CPNE8: variants seen among roughly 807,000 people sequenced by gnomAD.
CPNE8 encodes the protein copine 8, also known as copine-8.
In CPNE8, 45 loss-of-function variants were observed where a neutral mutation model predicts 81.5. The ratio of observed to expected loss-of-function variants is 0.55; its 90% CI spans 0.44 to 0.71. The LOEUF (loss-of-function observed/expected upper bound fraction) is 0.71. Among genes scored for constraint, CPNE8 ranks in the 30% least tolerant of loss-of-function variants. The pLI is 0.00. For synonymous variants in CPNE8, 252 were observed against 226.3 expected, an observed-to-expected ratio of 1.11 and a Z score of -1.02; for missense variants, 594 against 672.1, an observed-to-expected ratio of 0.88 and a Z score of 1.28.
chr12:38,843,558 G>T (rs569960731), intron 4 of CPNE8, among the ~76,000 whole-genome samples: 1 of 152,154 alleles, frequency 6.6e-6, no homozygotes, highest in East Asian at 1.9e-4. Flanking sequence ...GCAGCATCTG[G>T]TTCATCAGTA....
intron 1 of CPNE8, among the ~76,000 whole-genome samples, chr12:38,891,200 C>G (rs990884636): frequency 1.3e-4 from 19 of 151,698 alleles, no homozygotes; most frequent in Admixed American, 1.2e-3. Context: ...CAAAGTGCTG[C>G]GATTATAGGC....
intron 8 of CPNE8, among the ~76,000 whole-genome samples, chr12:38,767,054 AAATACT>A (rs981479086): frequency 6.6e-6 from 1 of 152,082 alleles, no homozygotes; most frequent in African/African-American, 2.4e-5. Flanking sequence ...ACATTCTCAC[AAATACT>A]AATAGTACAA....
chr12:38,732,033 C>T (rs188501410), intron 10 of CPNE8, among the ~76,000 whole-genome samples: 38 of 151,778 alleles, frequency 2.5e-4, no homozygotes, highest in African/African-American at 8.9e-4. Flanking sequence ...TCAAACACAA[C>T]GCTTTGATAT....
intron 3 of CPNE8, among the ~76,000 whole-genome samples, chr12:38,856,892 T>C (rs901094702): frequency 6.6e-6 from 1 of 152,110 alleles, no homozygotes; most frequent in Non-Finnish European, 1.5e-5. Context: ...TTTAAAACTT[T>C]AGATGCTTCA....
intron 19 of CPNE8, among the ~76,000 whole-genome samples, chr12:38,670,411 T>C (rs1171083463): frequency 1.3e-5 from 2 of 152,130 alleles, no homozygotes; most frequent in Non-Finnish European, 2.9e-5. Context: ...TTTACTTAAG[T>C]ATTTTTCTTA....
intron 6 of CPNE8, among the ~76,000 whole-genome samples, chr12:38,797,775 A>C (rs1390762791): frequency 6.6e-6 from 1 of 152,156 alleles, no homozygotes; most frequent in Admixed American, 6.5e-5. Flanking sequence ...AGTTTGAACC[A>C]ATGGCAAAGA....
At chr12:38,901,397 A>T (rs1944460235) in intron 1 of CPNE8, among the ~76,000 whole-genome samples, 1 of 152,152 alleles carries the variant, frequency 6.6e-6, no homozygotes, top group South Asian at 2.1e-4. Context: ...GTGCAACAAA[A>T]TCAAGGACCC....
At chr12:38,857,000 T>A (rs927927340) in intron 3 of CPNE8, among the ~76,000 whole-genome samples, 1 of 152,060 alleles carries the variant, frequency 6.6e-6, no homozygotes, top group African/African-American at 2.4e-5. Context: ...TATATTTTGA[T>A]AAAAAATACT....
intron 13 of CPNE8, among the ~76,000 whole-genome samples, chr12:38,715,981 C>T (rs995530052): frequency 1.3e-5 from 2 of 152,020 alleles, no homozygotes; most frequent in African/African-American, 2.4e-5. Context: ...AACTCAGTAG[C>T]ACTGCTGTAC....
chr12:38,878,659 C>T (rs990530975), intron 1 of CPNE8, among the ~76,000 whole-genome samples: 1 of 152,118 alleles, frequency 6.6e-6, no homozygotes, highest in African/African-American at 2.4e-5. Flanking sequence ...TTTTTATTGT[C>T]AGTCGGCATT....
At chr12:38,673,568 G>A (rs1264318849) in intron 18 of CPNE8, among the ~76,000 whole-genome samples, 1 of 152,082 alleles carries the variant, frequency 6.6e-6, no homozygotes, top group Non-Finnish European at 1.5e-5. Flanking sequence ...TCGCCTAGCA[G>A]AATAATCTAC....
intron 3 of CPNE8, among the ~76,000 whole-genome samples, chr12:38,857,155 C>G (rs547593384): frequency 6.6e-6 from 1 of 152,174 alleles, no homozygotes; most frequent in African/African-American, 2.4e-5. Context: ...TATAGCAAAA[C>G]CCTATCACAC....
intron 3 of CPNE8, among the ~76,000 whole-genome samples, chr12:38,864,327 G>A (rs969302525): frequency 6.6e-6 from 1 of 151,896 alleles, no homozygotes; most frequent in Non-Finnish European, 1.5e-5. Flanking sequence ...ATTTACTATC[G>A]ATGGCTGCTT....
intron 13 of CPNE8, among the ~76,000 whole-genome samples, chr12:38,704,396 G>A (rs1353815988): frequency 2.6e-5 from 4 of 152,042 alleles, no homozygotes; most frequent in Non-Finnish European, 5.9e-5. Flanking sequence ...GTGTGTGTGT[G>A]TATTTACAGA....
At chr12:38,880,158 CT>C (rs1565660102) in intron 1 of CPNE8, among the ~76,000 whole-genome samples, 1 of 152,238 alleles carries the variant, frequency 6.6e-6, no homozygotes, top group Non-Finnish European at 1.5e-5. Flanking sequence ...ACCAGTATCT[CT>C]GAATCATAAT....
chr12:38,833,731 T>G lies in CPNE8; in HGVS notation c.331-4276A>C, dbSNP rs138238106. 9.2e-5 allele frequency among the ~76,000 whole-genome samples: 14 copies of G among 151,962 alleles called. No homozygotes were observed. In the South Asian group the frequency reaches 1.7e-3, roughly 18 times the overall value. ...CTGACCTCGTGATCTGCCCGCCTTG[T>G]CCTCCCAAAGTGCTGGGATTACAGG... is the stretch of plus-strand genomic sequence containing the variant. On this transcript the variant is annotated intron_variant, in intron 5 of 19. Transcript: ENST00000331366.
intron 13 of CPNE8, among the ~76,000 whole-genome samples, chr12:38,721,455 G>A (rs189329832): frequency 3.3e-4 from 50 of 152,168 alleles, no homozygotes; most frequent in Admixed American, 9.2e-4. Context: ...CACTAGGGGC[G>A]CCCTGGCTGC....
intron 3 of CPNE8, among the ~76,000 whole-genome samples, chr12:38,860,824 A>G (rs917058857): frequency 2.0e-5 from 3 of 152,190 alleles, no homozygotes; most frequent in African/African-American, 7.2e-5. Context: ...AAGTAGAAGA[A>G]TGTCTGTCCG....
intron 19 of CPNE8, among the ~76,000 whole-genome samples, chr12:38,662,560 C>A (rs1224090495): frequency 6.6e-6 from 1 of 152,108 alleles, no homozygotes; most frequent in Non-Finnish European, 1.5e-5. Context: ...AATGACCATA[C>A]TACCCAAAGC....
Sources: allele counts gnomAD v4.1 joint callset (sites outside exome capture counted in the v4.1 genomes callset), GRCh38; gene constraint gnomAD v4.1.1; transcripts MANE v1.5; gene names NCBI Gene and HGNC (gene_info 2026-07-23, HGNC 2026-07-21).